Variants in AXDND1 observed in about 807,000 individuals in gnomAD.
The protein encoded by AXDND1 is axonemal dynein light chain domain-containing protein 1.
In AXDND1, 110 loss-of-function variants were observed where a neutral mutation model predicts 137.5. The observed-to-expected ratio is 0.80, with a 90% CI of 0.69 to 0.94. The LOEUF is 0.94. Ranked by LOEUF, AXDND1 falls within the 40% of genes least tolerant of loss-of-function variation. The pLI, the probability that AXDND1 is intolerant of heterozygous loss-of-function variation, is 0.00. For missense variants in AXDND1, 1,191 were observed against 1,169.8 expected (o/e 1.02, Z -0.26); for synonymous variants, 414 against 399.7 (o/e 1.04, Z -0.43).
intron 17 of AXDND1, among the ~76,000 whole-genome samples, chr1:179,472,605 A>G (rs1220255853): frequency 6.6e-6 from 1 of 152,042 alleles, no homozygotes; most frequent in Non-Finnish European, 1.5e-5. Flanking sequence ...GAAGTCTCCA[A>G]CTGTTATTCT....
In AXDND1 at chr1:179,379,260, A is replaced by C. The variant is rs972986550; in HGVS notation, c.496-137A>C. ...TCATTTGCTATGACCCACATTGCTA[A>C]TATTGTTATTTCTCCAATCAAAATT... On this transcript the variant is annotated intron_variant, in intron 5 of 25. Coordinates refer to ENST00000367618, the MANE Select transcript of AXDND1 (RefSeq NM_144696.6). 4.7e-6 allele frequency: 4 copies of C among 847,758 alleles called. No homozygotes were observed. The East Asian group carries it at 1.2e-4, about 25-fold the overall frequency. The allele number at this position is 847,758 out of a possible 1,614,324, so 52.5% of individuals were successfully genotyped here.
At chr1:179,493,340 T>G (rs1667125924) in intron 20 of AXDND1, among the ~76,000 whole-genome samples, 1 of 152,246 alleles carries the variant, frequency 6.6e-6, no homozygotes, top group Non-Finnish European at 1.5e-5. Context: ...TATCAACCAC[T>G]TATGCTTTTT....
intron 22 of AXDND1, 26 bp from the exon 23 acceptor site, chr1:179,528,301 C>T (rs761115734): frequency 4.5e-6 from 7 of 1,557,604 alleles, no homozygotes; most frequent in East Asian, 2.3e-5. Flanking sequence ...AGCTTGCTAA[C>T]AGGTCCGCAT....
intron 23 of AXDND1, among the ~76,000 whole-genome samples, chr1:179,529,735 G>A (rs6662113): frequency 0.03 from 4,584 of 152,220 alleles, 216 homozygotes; most frequent in African/African-American, 0.1. Flanking sequence ...AAGGGGAAGC[G>A]GCGGTGACTG....
chr1:179,542,873 T>C (rs1412149413), intron 25 of AXDND1, among the ~76,000 whole-genome samples: 1 of 152,186 alleles, frequency 6.6e-6, no homozygotes, highest in African/African-American at 2.4e-5. Flanking sequence ...AGCAAAATCA[T>C]TGCCAGGGGG....
intron 16 of AXDND1, among the ~76,000 whole-genome samples, chr1:179,467,713 G>A (rs1663395778): frequency 6.6e-6 from 1 of 152,150 alleles, no homozygotes; most frequent in South Asian, 2.1e-4. Context: ...ATTATGAATG[G>A]TGGTGAAATT....
At chr1:179,369,027 T>G in intron 3 of AXDND1, 55 bp downstream of exon 3, 2 of 1,472,538 alleles carry the variant, frequency 1.4e-6, no homozygotes, top group Non-Finnish European at 1.9e-6. Flanking sequence ...GGCATCTGAT[T>G]ATTCTTTAAG....
chr1:179,486,584 G>A (rs1292033409), intron 18 of AXDND1, among the ~76,000 whole-genome samples: 1 of 148,218 alleles, frequency 6.7e-6, no homozygotes, highest in East Asian at 1.9e-4. Flanking sequence ...TAGAGAGAAG[G>A]GGCAGGTCAC....
At chr1:179,481,064 A>G (rs1166744854) in intron 17 of AXDND1, among the ~76,000 whole-genome samples, 1 of 151,572 alleles carries the variant, frequency 6.6e-6, no homozygotes, top group African/African-American at 2.4e-5. Flanking sequence ...TACATGTGCC[A>G]TGTTGGTGTG....
At chr1:179,527,806 C>G (rs1400724358) in intron 22 of AXDND1, among the ~76,000 whole-genome samples, 2 of 152,040 alleles carry the variant, frequency 1.3e-5, no homozygotes, top group Non-Finnish European at 1.5e-5. Context: ...GGGATAAGAC[C>G]CCTTTTCTGG....
At chr1:179,463,628 G>T (rs771388717) in intron 16 of AXDND1, among the ~76,000 whole-genome samples, 6 of 152,200 alleles carry the variant, frequency 3.9e-5, no homozygotes, top group Admixed American at 6.5e-5. Flanking sequence ...GTAGATGTCA[G>T]TTAGGTCTGC....
chr1:179,368,634 C>T (rs1667711102), intron 2 of AXDND1, among the ~76,000 whole-genome samples, 166 bp from the exon 3 acceptor site: 1 of 152,126 alleles, frequency 6.6e-6, no homozygotes, highest in Non-Finnish European at 1.5e-5. Flanking sequence ...TTTTCCTTGA[C>T]TAGATGATGT....
In AXDND1 at chr1:179,378,333, A is replaced by G. The variant is rs370658033; in HGVS notation, c.375-304A>G. 5.3e-5 allele frequency among the ~76,000 whole-genome samples: 8 copies of G among 152,202 alleles called. No homozygotes were observed. In the East Asian group the frequency reaches 5.8e-4, roughly 11 times the overall value. Reference sequence around the variant, plus strand: ...AATGAGACTCCTGAGGATATGGGCAAAGATGGAATCAAGCACCTAAGTGGA... The same window carrying G: ...AATGAGACTCCTGAGGATATGGGCAGAGATGGAATCAAGCACCTAAGTGGA... On this transcript the variant is annotated intron_variant, in intron 4 of 25. Coordinates refer to ENST00000367618, the MANE Select transcript of AXDND1 (RefSeq NM_144696.6).
At chr1:179,428,547 C>G (rs1656918923) in intron 12 of AXDND1, among the ~76,000 whole-genome samples, 1 of 152,246 alleles carries the variant, frequency 6.6e-6, no homozygotes, top group Non-Finnish European at 1.5e-5. Context: ...GGGCAGGAGG[C>G]CTCTATGAGA....
chr1:179,498,850 G>T (rs1230924901), intron 20 of AXDND1, among the ~76,000 whole-genome samples: 2 of 151,838 alleles, frequency 1.3e-5, no homozygotes, highest in Non-Finnish European at 2.9e-5. Flanking sequence ...TAATCATCAA[G>T]TAAATACAAA....
intron 9 of AXDND1, among the ~76,000 whole-genome samples, chr1:179,390,033 T>TC (rs1427981416): frequency 6.6e-6 from 1 of 151,616 alleles, no homozygotes; most frequent in African/African-American, 2.4e-5. Flanking sequence ...TTTTTTTTTT[T>TC]AAGACAGTCT....
At chr1:179,396,683 C>G (rs1470103458) in intron 11 of AXDND1, among the ~76,000 whole-genome samples, 1 of 151,922 alleles carries the variant, frequency 6.6e-6, no homozygotes, top group Non-Finnish European at 1.5e-5. Flanking sequence ...CTTTTACCAA[C>G]TAAATACTAT....
intron 4 of AXDND1, among the ~76,000 whole-genome samples, chr1:179,375,624 C>T (rs1668540347): frequency 6.7e-6 from 1 of 148,750 alleles, no homozygotes; most frequent in African/African-American, 2.5e-5. Flanking sequence ...TATCTACACA[C>T]ACATATATGT....
intron 20 of AXDND1, among the ~76,000 whole-genome samples, chr1:179,508,095 G>T (rs4111170): frequency 0.34 from 51,749 of 152,068 alleles, 8,776 homozygotes; most frequent in East Asian, 0.4. Flanking sequence ...GCCAGGTACA[G>T]TGGCTCATGC....
Sources: gnomAD v4.1 joint callset for allele counts (sites outside exome capture counted in the v4.1 genomes callset) on GRCh38, gnomAD v4.1.1 for gene constraint, MANE v1.5 for transcripts, NCBI Gene and HGNC (gene_info 2026-07-23, HGNC 2026-07-21) for gene names.